Variants in HTR7 observed in about 807,000 individuals in gnomAD.
HTR7 encodes the protein 5-HT-7.
In HTR7, 16 loss-of-function variants were observed where a neutral mutation model predicts 34.0. The ratio of observed to expected loss-of-function variants is 0.47; its 90% CI spans 0.32 to 0.71. The LOEUF (loss-of-function observed/expected upper bound fraction) is 0.71. Ranked by LOEUF, HTR7 falls within the 30% of genes least tolerant of loss-of-function variation. The pLI, the probability that HTR7 is intolerant of heterozygous loss-of-function variation, is 0.04. For missense variants in HTR7, 504 were observed against 625.5 expected (o/e 0.81, Z 2.07); for synonymous variants, 265 against 260.2 (o/e 1.02, Z -0.18).
intron 1 of HTR7, among the ~76,000 whole-genome samples, chr10:90,834,125 A>G (rs1349484461): frequency 6.6e-6 from 1 of 152,212 alleles, no homozygotes; most frequent in Non-Finnish European, 1.5e-5. Context: ...GCTGAGGAGT[A>G]GGAGGGAAAT....
At chr10:90,849,253 C>A (rs936374316) in intron 1 of HTR7, among the ~76,000 whole-genome samples, 1 of 152,140 alleles carries the variant, frequency 6.6e-6, no homozygotes, top group African/African-American at 2.4e-5. Context: ...CTATTTGCAA[C>A]GTAGTTCACC....
intron 1 of HTR7, among the ~76,000 whole-genome samples, chr10:90,792,711 T>C (rs982855369): frequency 3.9e-5 from 6 of 152,064 alleles, no homozygotes; most frequent in African/African-American, 1.4e-4. Flanking sequence ...CAGCTTTCCA[T>C]TTTTACATCT....
At chr10:90,807,894 C>G (rs1381831802) in intron 1 of HTR7, among the ~76,000 whole-genome samples, 1 of 152,146 alleles carries the variant, frequency 6.6e-6, no homozygotes, top group Non-Finnish European at 1.5e-5. Context: ...GAGTAAGCGG[C>G]CTCTTCTTAC....
intron 1 of HTR7, among the ~76,000 whole-genome samples, chr10:90,755,895 A>C (rs1844827151): frequency 6.6e-6 from 1 of 152,258 alleles, no homozygotes; most frequent in Non-Finnish European, 1.5e-5. Flanking sequence ...CAAAATACAC[A>C]TACAAAAGTT....
chr10:90,791,667 G>A (rs996767593), intron 1 of HTR7, among the ~76,000 whole-genome samples: 3 of 152,124 alleles, frequency 2.0e-5, no homozygotes, highest in Admixed American at 6.6e-5. Context: ...AATGAGCCCA[G>A]AGAAGAATTT....
intron 1 of HTR7, among the ~76,000 whole-genome samples, chr10:90,763,146 G>A (rs1844966441): frequency 1.3e-5 from 2 of 152,070 alleles, no homozygotes; most frequent in Admixed American, 1.3e-4. Flanking sequence ...ATGAATTTTA[G>A]GATTGTTTTC....
chr10:90,757,233 T>C lies in HTR7; in HGVS notation c.540-7639A>G, dbSNP rs193105288. ...AGCAGTACTCAAGAAACAGGGTGAG[T>C]AAATCCTTAAAATTCCAAATAACAC... On this transcript the variant is annotated intron_variant, in intron 1 of 3. Coordinates refer to ENST00000336152, the MANE Select transcript of HTR7 (RefSeq NM_019859.4). 4.6e-3 allele frequency among the ~76,000 whole-genome samples: 697 copies of C among 152,180 alleles called. 1 individual carries two copies. The highest frequency in any genetic ancestry group is 0.017 in the South Asian group (81 of 4,822).
chr10:90,748,807 G>A, intron 2 of HTR7, 32 bp downstream of exon 2: 1 of 1,573,638 alleles, frequency 6.4e-7, no homozygotes, highest in Non-Finnish European at 8.6e-7. Context: ...GGGTTTGGGG[G>A]ATAAAAGGAA....
At chr10:90,853,978 C>A (rs922717631) in intron 1 of HTR7, among the ~76,000 whole-genome samples, 2 of 152,146 alleles carry the variant, frequency 1.3e-5, no homozygotes, top group Non-Finnish European at 2.9e-5. Flanking sequence ...GAAGCAGAGC[C>A]GTGGCTGGAG....
Position 90,767,948 on chromosome 10 carries a change from GC to G in HTR7, c.540-18355del, listed in dbSNP as rs1169899243. On this transcript the variant is annotated intron_variant, in intron 1 of 3. Transcript: ENST00000336152. ...GGAGCTCCAGACCCATGAATCGACT[GC>G]CTCCTTCACATCTCTACTTGGGTAT... 3.9e-5 allele frequency among the ~76,000 whole-genome samples: 6 copies of G among 152,086 alleles called. No individual in the cohort carries two copies. The East Asian group carries it at 1.2e-3, about 30-fold the overall frequency.
intron 1 of HTR7, among the ~76,000 whole-genome samples, chr10:90,761,549 G>A (rs1032766464): frequency 6.6e-6 from 1 of 152,036 alleles, no homozygotes; most frequent in African/African-American, 2.4e-5. Context: ...TCACAAGCGT[G>A]TGGCCATCTA....
chr10:90,748,930 G>A lies in HTR7; in HGVS notation c.1204C>T (p.Gln402Ter), dbSNP rs561045607. The change falls in exon 2 of 4, where the codon CAG becomes TAG. Residue 402 changes from glutamine to a stop codon, truncating the protein, a stop_gained. Transcript: ENST00000336152. LOFTEE classifies it high-confidence loss of function. ...AGCTTCCGGTTGATATTCCGGTACT[G>A]GCACTGGAGCAGGCTGCGATAGGTG... is the stretch of plus-strand genomic sequence containing the variant. ...RTTYRSLLQC[Q>*]YRNINRKLSA... 1.2e-6 allele frequency: 2 copies of A among 1,614,182 alleles called. No homozygotes were observed. Among genetic ancestry groups the A allele is most frequent in the Admixed American group, 1.7e-5 (1 of 60,020 alleles).
chr10:90,841,769 G>A (rs1277799699), intron 1 of HTR7, among the ~76,000 whole-genome samples: 5 of 152,140 alleles, frequency 3.3e-5, no homozygotes, highest in Admixed American at 6.5e-5. Context: ...GGAGGCCAAA[G>A]TTGGCTGATC....
At chr10:90,842,981 TA>T (rs1846353434) in intron 1 of HTR7, among the ~76,000 whole-genome samples, 1 of 152,194 alleles carries the variant, frequency 6.6e-6, no homozygotes, top group African/African-American at 2.4e-5. Flanking sequence ...CTCCTGATCC[TA>T]ACTTGGTTTC....
chr10:90,746,560 G>T (rs1244975230), intron 2 of HTR7, among the ~76,000 whole-genome samples: 1 of 152,024 alleles, frequency 6.6e-6, no homozygotes, highest in Non-Finnish European at 1.5e-5. Context: ...AAACCAACAC[G>T]CTTTCCTTTT....
intron 1 of HTR7, among the ~76,000 whole-genome samples, chr10:90,852,248 G>T (rs1482249213): frequency 6.7e-6 from 1 of 150,108 alleles, no homozygotes; most frequent in Non-Finnish European, 1.5e-5. Flanking sequence ...ATGCTAATAG[G>T]CATCTAACTG....
chr10:90,760,087 T>C (rs1336682368), intron 1 of HTR7, among the ~76,000 whole-genome samples: 1 of 152,196 alleles, frequency 6.6e-6, no homozygotes, highest in Non-Finnish European at 1.5e-5. Flanking sequence ...CTATTCACAA[T>C]AGCCAAGATA....
At chr10:90,850,951 A>G (rs1030097308) in intron 1 of HTR7, among the ~76,000 whole-genome samples, 1 of 152,126 alleles carries the variant, frequency 6.6e-6, no homozygotes, top group African/African-American at 2.4e-5. Context: ...AGAATGGAAC[A>G]GTAGTAGTGT....
intron 1 of HTR7, among the ~76,000 whole-genome samples, chr10:90,811,109 G>A (rs1304316611): frequency 2.0e-5 from 3 of 152,092 alleles, no homozygotes; most frequent in East Asian, 1.9e-4. Context: ...CAACCCGAGC[G>A]CTCCCTGACT....
Sources: gnomAD v4.1 joint callset for allele counts (sites outside exome capture counted in the v4.1 genomes callset) on GRCh38, gnomAD v4.1.1 for gene constraint, MANE v1.5 for transcripts, NCBI Gene and HGNC (gene_info 2026-07-23, HGNC 2026-07-21) for gene names.